ARFGAP2: variants seen among roughly 807,000 people sequenced by gnomAD.
ARFGAP2 encodes the protein ADP-ribosylation factor GTPase-activating protein 2.
In ARFGAP2, 45 loss-of-function variants were observed where a neutral mutation model predicts 71.9. The ratio of observed to expected loss-of-function variants is 0.63; its 90% CI spans 0.49 to 0.80. The LOEUF is 0.80. Ranked by LOEUF, ARFGAP2 falls within the 30% of genes least tolerant of loss-of-function variation. The pLI, the probability that ARFGAP2 is intolerant of heterozygous loss-of-function variation, is 0.00. For missense variants in ARFGAP2, 633 were observed against 673.9 expected, an observed-to-expected ratio of 0.94 and a Z score of 0.67; for synonymous variants, 248 against 249.2, an observed-to-expected ratio of 1.00 and a Z score of 0.05.
intron 10 of ARFGAP2, chr11:47,169,597 C>G (rs999475660): frequency 3.9e-5 from 6 of 152,160 alleles, no homozygotes; most frequent in African/African-American, 1.4e-4. Context: ...GTGGCTCACA[C>G]CTGTAATCCC....
intron 10 of ARFGAP2, among the ~76,000 whole-genome samples, chr11:47,169,084 C>A (rs902657652): frequency 1.3e-5 from 2 of 151,392 alleles, no homozygotes; most frequent in Non-Finnish European, 2.9e-5. Flanking sequence ...GAGGCCGAGG[C>A]GGGCAGATCA....
At chr11:47,172,051 C>T (rs1024789063) in intron 8 of ARFGAP2, 39 of 700,988 alleles carry the variant, frequency 5.6e-5, no homozygotes, top group Non-Finnish European at 8.3e-5. Flanking sequence ...ATGTGCCAAG[C>T]ACTCCGCCAA....
At chr11:47,169,198 C>CA (rs1466205601) in intron 10 of ARFGAP2, 2 of 151,848 alleles carry the variant, frequency 1.3e-5, no homozygotes, top group African/African-American at 4.8e-5. Flanking sequence ...CCTGTAGTCC[C>CA]AGCTACTTGG....
intron 5 of ARFGAP2, among the ~76,000 whole-genome samples, chr11:47,174,194 C>A (rs977035033): frequency 6.6e-5 from 10 of 152,150 alleles, no homozygotes; most frequent in Non-Finnish European, 1.0e-4. Flanking sequence ...ATTTTAGAAA[C>A]TGAGGTTTTG....
At chr11:47,166,972 C>A in intron 12 of ARFGAP2, 86 bp from the exon 13 acceptor site, 1 of 1,504,402 alleles carries the variant, frequency 6.6e-7, no homozygotes, top group Non-Finnish European at 9.0e-7. Flanking sequence ...GCACCAGTGG[C>A]CTTTTGGTGA....
chr11:47,175,397 G>A, intron 3 of ARFGAP2, 84 bp from the exon 4 acceptor site: 3 of 1,589,840 alleles, frequency 1.9e-6, no homozygotes, highest in Middle Eastern at 1.7e-4. Context: ...ATCTCCTTAT[G>A]ACAGCGAAGT....
At position 47,171,655 on chromosome 11, in the gene ARFGAP2, AAC is replaced by A. The variant is rs777635833; in HGVS notation, c.809+7_809+8del. 3.1e-6 allele frequency: 5 copies of A among 1,613,702 alleles called. No homozygotes were observed. The African/African-American group carries it at 6.7e-5, about 22-fold the overall frequency. ...GCAGAAGCCTGAGGCCCCGGCAGCA[AAC>A]ACTTACATGGACTCCTCCGCCTGCT... is the stretch of plus-strand genomic sequence containing the variant. On this transcript the variant is annotated splice_region_variant and intron_variant, in intron 9 of 15. Coordinates refer to ENST00000524782, the MANE Select transcript of ARFGAP2 (RefSeq NM_032389.6).
Position 47,176,877 on chromosome 11 carries a change from C to G in ARFGAP2, c.-24G>C, listed in dbSNP as rs775542993. 6.2e-7 allele frequency: 1 copy of G among 1,606,636 alleles called. No homozygotes were observed. Among genetic ancestry groups the G allele is most frequent in the South Asian group, 1.1e-5 (1 of 90,600 alleles). On this transcript the variant is annotated 5_prime_UTR_variant, in exon 1 of 16. Transcript: ENST00000524782. ...ATTTTCTCTCCTTCCCAGACACAAC[C>G]GCGGCTGACGGGTCCCGCCGCGGGC...
At chr11:47,169,970 G>A (rs553167080) in intron 10 of ARFGAP2, among the ~76,000 whole-genome samples, 1 of 152,296 alleles carries the variant, frequency 6.6e-6, no homozygotes, top group Non-Finnish European at 1.5e-5. Context: ...GCAGGGAAAG[G>A]AGGGAGACCC....
chr11:47,172,224 C>G (rs531382982), intron 8 of ARFGAP2, 57 bp downstream of exon 8: 14 of 1,562,204 alleles, frequency 9.0e-6, no homozygotes, highest in Non-Finnish European at 1.1e-5. Flanking sequence ...AGGAGTGAAC[C>G]CAGGTAGCCT....
At chr11:47,174,872 G>A in intron 5 of ARFGAP2, 143 bp downstream of exon 5, 1 of 853,246 alleles carries the variant, frequency 1.2e-6, no homozygotes, top group South Asian at 1.6e-5. Context: ...GGCCTACCCA[G>A]CAGGAACAGT....
intron 10 of ARFGAP2, among the ~76,000 whole-genome samples, chr11:47,170,340 A>G (rs941647053): frequency 1.4e-4 from 21 of 150,064 alleles, no homozygotes; most frequent in African/African-American, 3.2e-4. Flanking sequence ...AAAAAAAAAA[A>G]AAAGAAAAGA....
At chr11:47,173,535 C>T in intron 6 of ARFGAP2, 53 bp from the exon 7 acceptor site, 1 of 1,513,730 alleles carries the variant, frequency 6.6e-7, no homozygotes, top group Non-Finnish European at 8.9e-7. Flanking sequence ...CCTGCAACCT[C>T]CCCTTGAAAG....
At position 47,166,391 on chromosome 11, in the gene ARFGAP2, A is replaced by T. The variant is rs1429458580; in HGVS notation, c.1427-5T>A. On this transcript the variant is annotated splice_region_variant and splice_polypyrimidine_tract_variant and intron_variant, in intron 14 of 15. Transcript: ENST00000524782. ...CGTTCCCCAGAGATACACTTCCTGT[A>T]AAACAAGAGCAGGGTGACCCAGAGC... is the stretch of plus-strand genomic sequence containing the variant. 1.2e-6 allele frequency: 2 copies of T among 1,613,786 alleles called. No homozygotes were observed. The highest frequency in any genetic ancestry group is 1.7e-6 in the Non-Finnish European group (2 of 1,179,826).
At chr11:47,166,408 A>T in intron 14 of ARFGAP2, 22 bp from the exon 15 acceptor site, 1 of 1,612,988 alleles carries the variant, frequency 6.2e-7, no homozygotes, top group East Asian at 2.2e-5. Flanking sequence ...GAGCAGGGTG[A>T]CCCAGAGCCC....
Position 47,165,334 on chromosome 11 carries a change from T to G in ARFGAP2, c.*148A>C, listed in dbSNP as rs1590940715. ...GTACTGACCATTCCCCTCACAGGAG[T>G]GAGCGCCTCAAAGGCCACCCCACAC... is the stretch of plus-strand genomic sequence containing the variant. On this transcript the variant is annotated 3_prime_UTR_variant, in exon 16 of 16. Transcript: ENST00000524782. The G allele has an allele frequency of 2.1e-6, 2 of 944,496 alleles. No individual in the cohort carries two copies. Among genetic ancestry groups the G allele is most frequent in the South Asian group, 4.1e-5 (2 of 49,186 alleles). The allele number at this position is 944,496 out of a possible 1,614,324, so 58.5% of individuals were successfully genotyped here.
chr11:47,166,348 T>C lies in ARFGAP2; in HGVS notation c.1465A>G (p.Ile489Val). Residue 489 changes from isoleucine to valine, a missense_variant, in exon 15 of 16, where the codon ATT (isoleucine) becomes GTT (valine). Physicochemically the swap from Ile to Val is conservative, Grantham distance 29. Transcript: ENST00000524782. The stretch of plus-strand genomic sequence containing the variant: ...TTGACACCCTGCTTAAACTGGGCAA[T>C]GTCCGCTGTAGGCAGCACGTTCCCC... ...SLGNVLPTAD[I>V]AQFKQGVKSV... The C allele has an allele frequency of 5.0e-6, 8 of 1,614,228 alleles. No homozygotes were observed. The highest frequency in any genetic ancestry group is 6.8e-6 in the Non-Finnish European group (8 of 1,180,036).
rs1565128991 is a variant in ARFGAP2, at chr11:47,172,290, A to AGCT, written c.660_662dup (p.Ala221dup). 6.2e-7 allele frequency: 1 copy of AGCT among 1,614,132 alleles called. No homozygotes were observed. The highest frequency in any genetic ancestry group is 8.5e-7 in the Non-Finnish European group (1 of 1,180,020). Reference sequence around the variant, plus strand: ...ACCTCTCCCCACCTACCCCTTTCTTAGCTGCTGCTGGCTTCTTCTTGCCAA... The same window carrying AGCT: ...ACCTCTCCCCACCTACCCCTTTCTTAGCTGCTGCTGCTGGCTTCTTCTTGCCAA... On this transcript the variant is annotated inframe_insertion, in exon 8 of 16. Coordinates refer to ENST00000524782, the MANE Select transcript of ARFGAP2 (RefSeq NM_032389.6).
rs930454794 is a variant in ARFGAP2 at position 47,175,907 on chromosome 11, A to G, written c.208T>C (p.Ser70Pro). The G allele has an allele frequency of 6.2e-7, 1 of 1,614,054 alleles. No individual in the cohort carries two copies. Among genetic ancestry groups the G allele is most frequent in the African/African-American group, 1.3e-5 (1 of 74,922 alleles). The change falls in exon 3 of 16, where the codon TCC (serine) becomes CCC (proline). Residue 70 changes from serine to proline, a missense_variant. Coordinates refer to ENST00000524782, the MANE Select transcript of ARFGAP2 (RefSeq NM_032389.6). ...CTCAGCTGGAACCAGTTCCAGTTGG[A>G]ATCCAACTCTGTGGACCTGTGTACA... ...LSFIRSTELD[S>P]NWNWFQLRCM...
Sources: gnomAD v4.1 joint callset for allele counts (sites outside exome capture counted in the v4.1 genomes callset) on GRCh38, gnomAD v4.1.1 for gene constraint, MANE v1.5 for transcripts, NCBI Gene and HGNC (gene_info 2026-07-23, HGNC 2026-07-21) for gene names.